Variants in LRRC53 observed in about 807,000 individuals in gnomAD.
The protein encoded by LRRC53 is leucine rich repeat containing 53, also known as leucine-rich repeat-containing protein 53.
In LRRC53, 25 loss-of-function variants were observed where a neutral mutation model predicts 13.6. That is an observed-to-expected ratio of 1.83 (90% CI 1.34 to 2.56). The LOEUF is 2.56. LRRC53 is among the 30% of genes most tolerant of loss of function. The pLI, the probability that LRRC53 is intolerant of heterozygous loss-of-function variation, is 0.00. For missense variants in LRRC53, 527 were observed against 275.8 expected, an observed-to-expected ratio of 1.91 and a Z score of -6.45; for synonymous variants, 204 against 109.8, an observed-to-expected ratio of 1.86 and a Z score of -5.37.
In LRRC53 at chr1:74,480,573, G is replaced by T. The variant is rs1668438152; in HGVS notation, c.484C>A (p.Leu162Met). 7.0e-6 allele frequency: 5 copies of T among 717,326 alleles called. No individual in the cohort carries two copies. The East Asian group carries it at 1.1e-4, about 15-fold the overall frequency. 44.4% of individuals were successfully genotyped at this position (717,326 alleles called of 1,614,324 possible). A position where few individuals can be genotyped will look rare whatever the true frequency, so the allele number is the denominator to read the frequency against. ...GGTNLHSLRY[L>M]DLSNNFISYI... ...GAAATAAAATTGTTGGATAAATCCA[G>T]ATACCTGAGACTGTGGAGATTCGTG... is the stretch of plus-strand genomic sequence containing the variant. Residue 162 changes from leucine (L) to methionine (M), a missense_variant, in exon 3 of 5, where the codon CTG becomes ATG. By Grantham distance (15) the Leu-to-Met change is conservative (BLOSUM62 2). Transcript: ENST00000294635.
chr1:74,500,402 C>G (rs2100338119), intron 1 of LRRC53, among the ~76,000 whole-genome samples: 1 of 151,464 alleles, frequency 6.6e-6, no homozygotes, highest in Non-Finnish European at 1.5e-5. Context: ...GAGATCGAGA[C>G]CATCCCGGCT....
At chr1:74,508,900 G>A (rs1670043350) in intron 1 of LRRC53, among the ~76,000 whole-genome samples, 1 of 152,016 alleles carries the variant, frequency 6.6e-6, no homozygotes, top group Admixed American at 6.6e-5. Context: ...GTTTTTACAG[G>A]GTCTGCAGAA....
chr1:74,533,291 G>C, the LRRC53 span, among the ~76,000 whole-genome samples: 454 of 152,202 alleles, frequency 3.0e-3, 7 homozygotes, highest in African/African-American at 0.01. Context: ...CATTTATGCA[G>C]CCAAAAAACA....
chr1:74,517,793 C>T, the LRRC53 span, among the ~76,000 whole-genome samples: 1 of 152,248 alleles, frequency 6.6e-6, no homozygotes, highest in African/African-American at 2.4e-5. Context: ...ATTGAAAATG[C>T]ACCAGAATCA....
rs1667935944 is a variant in LRRC53 at position 74,471,615 on chromosome 1, G to A, written c.2007C>T (p.Asn669=). Residue 669 remains asparagine (N), a synonymous_variant, in exon 5 of 5, where the codon AAC becomes AAT. Transcript: ENST00000294635. ...TPWKRQKNQS[N]QLTKLDVKKF... ...TTTTAACATCCAACTTAGTCAGTTG[G>A]TTACTTTGATTTTTCTGTCGTTTCC... The A allele has an allele frequency of 2.5e-6, 1 of 400,532 alleles. No homozygotes were observed. 24.8% of individuals were successfully genotyped at this position (400,532 alleles called of 1,614,324 possible).
chr1:74,486,200 A>AG (rs1491194260), intron 1 of LRRC53, among the ~76,000 whole-genome samples: 32 of 134,460 alleles, frequency 2.4e-4, no homozygotes, highest in East Asian at 1.4e-3. Flanking sequence ...TAAATGCTAT[A>AG]AAGAGAGAGA....
At chr1:74,482,607 A>G (rs1668562786) in intron 2 of LRRC53, among the ~76,000 whole-genome samples, 1 of 152,148 alleles carries the variant, frequency 6.6e-6, no homozygotes. Context: ...CTCTGTCGTA[A>G]CTCAAGCTTG....
the LRRC53 span, among the ~76,000 whole-genome samples, chr1:74,532,646 C>A: frequency 4.7e-5 from 7 of 150,338 alleles, no homozygotes. Flanking sequence ...CCACAGCAGT[C>A]CCCAGAGTGT....
chr1:74,501,032 A>T (rs1438771115), intron 1 of LRRC53, among the ~76,000 whole-genome samples: 2 of 152,166 alleles, frequency 1.3e-5, no homozygotes, highest in Non-Finnish European at 2.9e-5. Context: ...GATAATCCTC[A>T]GCTGTTGTCT....
At chr1:74,530,618 T>A in the LRRC53 span, among the ~76,000 whole-genome samples, 12 of 152,196 alleles carry the variant, frequency 7.9e-5, no homozygotes, top group African/African-American at 2.9e-4. Flanking sequence ...GATAGGTTAT[T>A]TCAATTCTCA....
the LRRC53 span, among the ~76,000 whole-genome samples, chr1:74,536,838 C>A: frequency 6.6e-6 from 1 of 152,058 alleles, no homozygotes; most frequent in Non-Finnish European, 1.5e-5. Flanking sequence ...TGTTGAATTC[C>A]TGAGGCAGCT....
At chr1:74,495,087 T>G (rs2100317867) in intron 1 of LRRC53, among the ~76,000 whole-genome samples, 1 of 152,332 alleles carries the variant, frequency 6.6e-6, no homozygotes, top group Admixed American at 6.5e-5. Flanking sequence ...GAGATGCTCC[T>G]TTTGATATTC....
Position 74,469,438 on chromosome 1 carries a change from A to T in LRRC53, c.*440T>A, listed in dbSNP as rs892357562. The T allele has an allele frequency of 6.5e-6, 1 of 153,074 alleles. No individual in the cohort carries two copies. The highest frequency in any genetic ancestry group is 6.5e-5 in the Admixed American group (1 of 15,302). 9.5% of individuals were successfully genotyped at this position (153,074 alleles called of 1,614,324 possible). A position where few individuals can be genotyped will look rare whatever the true frequency, so the allele number is the denominator to read the frequency against. ...AATTAGGAAAACAGATCAAACACAA[A>T]TATGAATATATAATTATCCATGTAG... On this transcript the variant is annotated 3_prime_UTR_variant, in exon 5 of 5. Transcript: ENST00000294635.
chr1:74,491,519 T>C (rs1998771), intron 1 of LRRC53, among the ~76,000 whole-genome samples: 16,168 of 152,154 alleles, frequency 0.11, 2,284 homozygotes, highest in African/African-American at 0.33. Context: ...GGATTACAGG[T>C]GTGAGCCACC....
At chr1:74,517,666 G>A in the LRRC53 span, among the ~76,000 whole-genome samples, 12 of 152,142 alleles carry the variant, frequency 7.9e-5, no homozygotes, top group African/African-American at 2.9e-4. Flanking sequence ...TCATTGATGA[G>A]GAAGCTGAGG....
At chr1:74,505,996 GT>G (rs1382842339) in intron 1 of LRRC53, among the ~76,000 whole-genome samples, 1 of 151,938 alleles carries the variant, frequency 6.6e-6, no homozygotes, top group Non-Finnish European at 1.5e-5. Flanking sequence ...ATCACTTTTT[GT>G]TTTTTTGGCC....
chr1:74,530,417 A>G, the LRRC53 span, among the ~76,000 whole-genome samples: 142,902 of 152,262 alleles, frequency 0.94, 67,184 homozygotes, highest in Middle Eastern at 0.97. Context: ...ATATAAAATG[A>G]GTTGTTAGGT....
chr1:74,496,702 A>C (rs1215876911), intron 1 of LRRC53, among the ~76,000 whole-genome samples: 2 of 152,146 alleles, frequency 1.3e-5, no homozygotes, highest in Admixed American at 6.6e-5. Context: ...ATTCCTATCA[A>C]AACCATAACT....
At chr1:74,527,068 T>G in the LRRC53 span, among the ~76,000 whole-genome samples, 12 of 152,298 alleles carry the variant, frequency 7.9e-5, no homozygotes, top group Admixed American at 6.5e-4. Flanking sequence ...AAATCTATAT[T>G]TGTTCAAGTC....
Sources: allele counts gnomAD v4.1 joint callset (sites outside exome capture counted in the v4.1 genomes callset), GRCh38; gene constraint gnomAD v4.1.1; transcripts MANE v1.5; gene names NCBI Gene and HGNC (gene_info 2026-07-23, HGNC 2026-07-21).